Variants in KIF1A observed in about 807,000 individuals in gnomAD.
KIF1A encodes kinesin-like protein KIF1A.
A neutral mutation model predicts 227.3 loss-of-function variants in KIF1A; 46 were observed. That is an observed-to-expected ratio of 0.20 (90% CI 0.16 to 0.26). The LOEUF is 0.26. Among genes scored for constraint, KIF1A ranks in the 10% least tolerant of loss-of-function variants. The pLI is 1.00. For synonymous variants in KIF1A, 1,022 were observed against 1,012.8 expected (o/e 1.01, Z -0.17); for missense variants, 1,683 against 2,485.9 (o/e 0.68, Z 6.87).
intron 38 of KIF1A, among the ~76,000 whole-genome samples, chr2:240,727,468 C>T (rs972358176): frequency 3.3e-5 from 5 of 152,118 alleles, no homozygotes; most frequent in African/African-American, 4.8e-5. Flanking sequence ...GGGACCTGCC[C>T]GGGTTTGCCA....
intron 1 of KIF1A, 95 bp from the exon 2 acceptor site, chr2:240,797,907 C>T (rs1268758046): frequency 1.7e-6 from 1 of 594,752 alleles, no homozygotes; most frequent in African/African-American, 1.9e-5. Context: ...TTTCCACTCC[C>T]CTCCAAAGCT....
intron 38 of KIF1A, among the ~76,000 whole-genome samples, chr2:240,733,588 T>G (rs924038222): frequency 3.3e-5 from 5 of 152,202 alleles, no homozygotes; most frequent in African/African-American, 1.2e-4. Context: ...CGGCCACCCC[T>G]GGGCAGAGTC....
chr2:240,776,746 G>GCCTGC (rs2052771198), intron 10 of KIF1A, among the ~76,000 whole-genome samples: 1 of 152,044 alleles, frequency 6.6e-6, no homozygotes, highest in Non-Finnish European at 1.5e-5. Flanking sequence ...TCTGACCCTG[G>GCCTGC]AGCCTGCACC....
At chr2:240,786,569 ACTGGGGGGACCCCTGAGTGAGGGG>A in intron 5 of KIF1A, 56 bp from the exon 6 acceptor site, 1 of 1,541,892 alleles carries the variant, frequency 6.5e-7, no homozygotes, top group Non-Finnish European at 8.9e-7. Flanking sequence ...TGGGGCTGCC[ACTGGGGGGACCCCTGAGTGAGGGG>A]GTAGGGGTCA....
rs763524814 is a variant in KIF1A at position 240,771,018 on chromosome 2, G to C, written c.1294C>G (p.Arg432Gly). ...TCGCTGCCCGGGGCAAACAAGATGC[G>C]CTCGTGGAGGCTGGACACGGAGGCC... ...RAASVSSLHERILFAPGSEEA... is the reference protein window; with the variant it reads ...RAASVSSLHEGILFAPGSEEA... The change falls in exon 15 of 49, where the codon CGC becomes GGC. Residue 432 changes from arginine (R) to glycine (G), a missense_variant. Arg to Gly is a moderately radical substitution (Grantham distance 125, BLOSUM62 -2). Coordinates refer to ENST00000498729, the MANE Select transcript of KIF1A (RefSeq NM_001244008.2). 6.2e-7 allele frequency: 1 copy of C among 1,612,918 alleles called. No individual in the cohort carries two copies. The highest frequency in any genetic ancestry group is 1.3e-5 in the African/African-American group (1 of 74,900).
At position 240,775,023 on chromosome 2, in the gene KIF1A, C is replaced by A. The variant is rs578131507; in HGVS notation, c.959-762G>T. Among the ~76,000 whole-genome samples, 2 of 152,308 alleles carry A rather than the reference C, an allele frequency of 1.3e-5. No homozygotes were observed. The highest frequency in any genetic ancestry group is 3.9e-4 in the East Asian group (2 of 5,178). Reference sequence around the variant, plus strand: ...AGCCTCTGTGGGAGGACTCCCCTGCCCCCGCCCTGGGACTGAACCTGGGTG... The same window carrying A: ...AGCCTCTGTGGGAGGACTCCCCTGCACCCGCCCTGGGACTGAACCTGGGTG... On this transcript the variant is annotated intron_variant, in intron 11 of 48. Transcript: ENST00000498729. This position sits in a 1 kb window ranked among gnomAD's most constrained non-coding sequence, Gnocchi z 5.5.
intron 27 of KIF1A, among the ~76,000 whole-genome samples, chr2:240,751,380 G>A (rs1002344363): frequency 1.3e-5 from 2 of 152,180 alleles, no homozygotes; most frequent in East Asian, 1.9e-4. Flanking sequence ...GGAAAGGGCC[G>A]TGCCTGGGGC....
rs1324607642 is a variant in KIF1A at position 240,775,287 on chromosome 2, C to T, written c.958+564G>A. Among the ~76,000 whole-genome samples the T allele has an allele frequency of 6.6e-6, 1 of 152,184 alleles. No individual in the cohort carries two copies. The highest frequency in any genetic ancestry group is 2.4e-5 in the African/African-American group (1 of 41,456). On this transcript the variant is annotated intron_variant, in intron 11 of 48. Transcript: ENST00000498729. This position sits in a 1 kb window ranked among gnomAD's most constrained non-coding sequence, Gnocchi z 5.5. ...CAGTCATCTATGTTCACCAGGTCAG[C>T]CCAAGACTCAGTTTACCTCCCTGGG...
At position 240,722,514 on chromosome 2, in the gene KIF1A, T is replaced by G. The variant is rs1220583806; in HGVS notation, c.4607A>C (p.Glu1536Ala). Reference sequence around the variant, plus strand: ...AGCCTCCAGGGGTGATGGGCGGCCCTCAGCCGAGAGCGGGGAGGAGGCGCT... The same window carrying G: ...AGCCTCCAGGGGTGATGGGCGGCCCGCAGCCGAGAGCGGGGAGGAGGCGCT... ...SSSASSPLSAEGRPSPLEAPN... is the reference protein window; with the variant it reads ...SSSASSPLSAAGRPSPLEAPN... The change falls in exon 43 of 49, where the codon GAG becomes GCG. Residue 1536 changes from glutamate (E) to alanine (A), a missense_variant. By Grantham distance (107) the Glu-to-Ala change is moderately radical. Transcript: ENST00000498729. 3.2e-6 allele frequency: 5 copies of G among 1,548,024 alleles called. No individual in the cohort carries two copies. Among genetic ancestry groups the G allele is most frequent in the Admixed American group, 2.0e-5 (1 of 50,916 alleles).
chr2:240,820,302 G>T (rs1047178492), upstream of KIF1A: 1 of 150,784 alleles, frequency 6.6e-6, no homozygotes, highest in Non-Finnish European at 1.5e-5. This position sits in a 1 kb window ranked among gnomAD's most constrained non-coding sequence, Gnocchi z 6.2. Flanking sequence ...GGCTGCGCGC[G>T]GCGTCCGAGC....
Position 240,740,596 on chromosome 2 carries a change from G to A in KIF1A, c.3750-232C>T, listed in dbSNP as rs2047838862. On this transcript the variant is annotated intron_variant, in intron 35 of 48. Coordinates refer to ENST00000498729, the MANE Select transcript of KIF1A (RefSeq NM_001244008.2). The surrounding 1 kb of genome is among the most constrained non-coding windows in gnomAD (Gnocchi z 6.1). ...ACTGGACTGGCAGGGTGTCCAACAA[G>A]GAGACACGGTATGGCACAGCCTGGC... 6.6e-6 allele frequency among the ~76,000 whole-genome samples: 1 copy of A among 151,904 alleles called. No individual in the cohort carries two copies. Among genetic ancestry groups the A allele is most frequent in the Admixed American group, 6.5e-5 (1 of 15,272 alleles).
At position 240,758,846 on chromosome 2, in the gene KIF1A, G is replaced by T. The variant is rs571157372; in HGVS notation, c.2445-349C>A. Among the ~76,000 whole-genome samples the T allele has an allele frequency of 6.6e-5, 10 of 152,330 alleles. No individual in the cohort carries two copies. The highest frequency in any genetic ancestry group is 1.5e-4 in the Non-Finnish European group (10 of 68,040). On this transcript the variant is annotated intron_variant, in intron 25 of 48. Coordinates refer to ENST00000498729, the MANE Select transcript of KIF1A (RefSeq NM_001244008.2). This position sits in a 1 kb window ranked among gnomAD's most constrained non-coding sequence, Gnocchi z 5.2. The stretch of plus-strand genomic sequence containing the variant: ...GGGAAGAGAACCCAAGTGAAGCTCA[G>T]AAACGGGGATCAGGCCACAGAGGCG...
chr2:240,732,364 AATG>A (rs2046799192), intron 38 of KIF1A, among the ~76,000 whole-genome samples: 1 of 126,846 alleles, frequency 7.9e-6, no homozygotes, highest in Non-Finnish European at 1.7e-5. Context: ...GGGAGGAAAA[AATG>A]AAGGGAAGAG....
intron 40 of KIF1A, chr2:240,724,250 C>A: frequency 1.7e-6 from 1 of 600,124 alleles, no homozygotes. Flanking sequence ...TGGTCTTGCT[C>A]AGGTGCCCAT....
intron 23 of KIF1A, among the ~76,000 whole-genome samples, chr2:240,761,668 A>G (rs2125896743): frequency 6.6e-6 from 1 of 152,120 alleles, no homozygotes. Context: ...ACCCCGTTTC[A>G]CACTAACTAT....
Position 240,758,231 on chromosome 2 carries a change from TG to T in KIF1A, c.2582+128del. On this transcript the variant is annotated intron_variant, in intron 26 of 48. Coordinates refer to ENST00000498729, the MANE Select transcript of KIF1A (RefSeq NM_001244008.2). The surrounding 1 kb of genome is among the most constrained non-coding windows in gnomAD (Gnocchi z 5.2). ...AACCTCAGGCCAGGGAGGACAGGGC[TG>T]GGAATATGGGGCTGGAAAAGCACTT... is the stretch of plus-strand genomic sequence containing the variant. 1 of 1,041,212 alleles carries T rather than the reference TG, an allele frequency of 9.6e-7. No homozygotes were observed. The highest frequency in any genetic ancestry group is 1.3e-6 in the Non-Finnish European group (1 of 741,470). The allele number at this position is 1,041,212 out of a possible 1,614,324, so 64.5% of individuals were successfully genotyped here. A position where few individuals can be genotyped will look rare whatever the true frequency, so the allele number is the denominator to read the frequency against.
chr2:240,732,687 G>A (rs1437254701), intron 38 of KIF1A, among the ~76,000 whole-genome samples: 2 of 108,076 alleles, frequency 1.9e-5, no homozygotes, highest in African/African-American at 3.7e-5. Flanking sequence ...GGTGAGGGAC[G>A]ACAGGGTGAA....
intron 6 of KIF1A, among the ~76,000 whole-genome samples, chr2:240,785,527 T>G (rs2054626017): frequency 1.3e-5 from 2 of 152,104 alleles, no homozygotes; most frequent in Non-Finnish European, 2.9e-5. Flanking sequence ...GGAGATGGCA[T>G]GGGTCTCGGC....
chr2:240,798,500 C>G (rs923409933), intron 1 of KIF1A, among the ~76,000 whole-genome samples: 13 of 152,224 alleles, frequency 8.5e-5, no homozygotes, highest in Non-Finnish European at 1.2e-4. Context: ...CAAGCCAGGG[C>G]TGGGGGACCA....
Sources: allele counts gnomAD v4.1 joint callset (sites outside exome capture counted in the v4.1 genomes callset), GRCh38; gene constraint gnomAD v4.1.1; non-coding constraint Gnocchi (gnomAD v3.1); transcripts MANE v1.5; gene names NCBI Gene and HGNC (gene_info 2026-07-23, HGNC 2026-07-21).